The following GSTCD variants were observed in gnomAD, a reference collection of about 807,000 sequenced individuals.
The protein encoded by GSTCD is glutathione S-transferase C-terminal domain-containing protein.
Under a neutral mutation model 68.3 loss-of-function variants are expected in GSTCD, and 44 were observed. The ratio of observed to expected loss-of-function variants is 0.64; its 90% CI spans 0.51 to 0.83. The LOEUF (loss-of-function observed/expected upper bound fraction) is 0.83, where lower values mean the gene tolerates loss of function less well. GSTCD is among the 40% of genes least tolerant of loss of function. The probability of loss-of-function intolerance (pLI) is 0.00; values close to 1 mark genes in which losing one functional copy is unlikely to be tolerated. For missense variants in GSTCD, 739 were observed against 735.9 expected (o/e 1.00, Z -0.05); for synonymous variants, 273 against 255.2 (o/e 1.07, Z -0.67).
At chr4:105,802,435 A>T (rs1736140145) in intron 5 of GSTCD, among the ~76,000 whole-genome samples, 1 of 151,688 alleles carries the variant, frequency 6.6e-6, no homozygotes, top group Non-Finnish European at 1.5e-5. Context: ...CTGTTTATTC[A>T]TTTTTTTCTT....
intron 10 of GSTCD, among the ~76,000 whole-genome samples, chr4:105,840,003 G>C (rs1213881398): frequency 6.6e-6 from 1 of 152,180 alleles, no homozygotes; most frequent in Non-Finnish European, 1.5e-5. Context: ...AGAACTTTGT[G>C]CCAAAGTATC....
Position 105,807,395 on chromosome 4 carries a change from A to G in GSTCD, c.1241-15559A>G, listed in dbSNP as rs957461271. The G allele has an allele frequency of 4.6e-5, 7 of 152,068 alleles. No homozygotes were observed. The South Asian group carries it at 6.2e-4, about 14-fold the overall frequency. 9.4% of individuals were successfully genotyped at this position (152,068 alleles called of 1,614,324 possible). A position where few individuals can be genotyped will look rare whatever the true frequency, so the allele number is the denominator to read the frequency against. On this transcript the variant is annotated intron_variant, in intron 5 of 11. Transcript: ENST00000515279. ...CACTGCCTGTATTGAAATTCTCCCA[A>G]TTGTTCAATAGCGCTCTCACTCTCT... is the stretch of plus-strand genomic sequence containing the variant.
chr4:105,767,113 A>T (rs930975941), intron 5 of GSTCD, among the ~76,000 whole-genome samples: 2 of 152,072 alleles, frequency 1.3e-5, no homozygotes, highest in African/African-American at 4.8e-5. Flanking sequence ...ATGGACAGAA[A>T]AAAGAAGGTG....
chr4:105,793,419 T>TAA (rs1553963380), intron 5 of GSTCD, among the ~76,000 whole-genome samples: 5 of 150,640 alleles, frequency 3.3e-5, no homozygotes, highest in African/African-American at 1.2e-4. Context: ...TTTTTTTTTT[T>TAA]AAAAAAAATC....
rs768685450 is a variant in GSTCD, at chr4:105,726,662, A to G, written c.978A>G (p.Pro326=). The G allele has an allele frequency of 1.9e-6, 3 of 1,613,912 alleles. No individual in the cohort carries two copies. Among genetic ancestry groups the G allele is most frequent in the African/African-American group, 1.3e-5 (1 of 75,062 alleles). ...GGTACCAGAGGATTCAGGAAGTGCCAGGAGTAAAAACAGCAGCTTCTAAGT... is the reference window on the plus strand; with the variant it reads ...GGTACCAGAGGATTCAGGAAGTGCCGGGAGTAAAAACAGCAGCTTCTAAGT... ...ASWYQRIQEV[P]GVKTAASKCG... Residue 326 remains proline, a synonymous_variant, in exon 4 of 12, where the codon CCA becomes CCG. Transcript: ENST00000515279.
At chr4:105,733,654 G>C (rs1226047251) in intron 5 of GSTCD, among the ~76,000 whole-genome samples, 15 of 152,174 alleles carry the variant, frequency 9.9e-5, no homozygotes, top group Non-Finnish European at 4.4e-5. Flanking sequence ...TTGCCAGTCT[G>C]TGTCTTTTAA....
chr4:105,732,341 G>T (rs572806250), intron 5 of GSTCD, among the ~76,000 whole-genome samples: 3 of 152,160 alleles, frequency 2.0e-5, no homozygotes, highest in Non-Finnish European at 4.4e-5. Context: ...TTGGTTGGTA[G>T]GCTATTAATT....
At chr4:105,740,295 T>C (rs982831931) in intron 5 of GSTCD, among the ~76,000 whole-genome samples, 1 of 151,860 alleles carries the variant, frequency 6.6e-6, no homozygotes, top group African/African-American at 2.4e-5. Flanking sequence ...TAGGACTCAC[T>C]ACTGGAGTGA....
At chr4:105,819,055 C>T (rs1025040214) in intron 5 of GSTCD, among the ~76,000 whole-genome samples, 2 of 151,686 alleles carry the variant, frequency 1.3e-5, no homozygotes, top group African/African-American at 4.8e-5. Context: ...GAACTTGTCC[C>T]TAAGCAGCTC....
At chr4:105,721,913 G>A (rs974884296) in intron 3 of GSTCD, among the ~76,000 whole-genome samples, 37 of 152,148 alleles carry the variant, frequency 2.4e-4, no homozygotes, top group African/African-American at 6.3e-4. Context: ...AGTAGATAGC[G>A]TATCAACATT....
intron 5 of GSTCD, 142 bp from the exon 6 acceptor site, chr4:105,822,812 T>G: frequency 1.9e-6 from 1 of 533,644 alleles, no homozygotes; most frequent in Non-Finnish European, 3.3e-6. Flanking sequence ...GAATTTATCA[T>G]TTATTATTTT....
intron 5 of GSTCD, among the ~76,000 whole-genome samples, chr4:105,781,339 C>T (rs1049334703): frequency 6.6e-6 from 1 of 151,804 alleles, no homozygotes; most frequent in African/African-American, 2.4e-5. Context: ...GCCTCAAACT[C>T]CTGAGCTAAA....
intron 5 of GSTCD, among the ~76,000 whole-genome samples, chr4:105,785,219 G>T (rs559197332): frequency 1.9e-3 from 289 of 152,186 alleles, no homozygotes; most frequent in African/African-American, 6.9e-3. Context: ...TTTCAAAATT[G>T]TTGACTTATA....
chr4:105,825,530 A>T, intron 7 of GSTCD, 142 bp from the exon 8 acceptor site: 1 of 487,912 alleles, frequency 2.0e-6, no homozygotes, highest in Non-Finnish European at 3.8e-6. Flanking sequence ...GTACCAGATT[A>T]TGTGACATAC....
intron 8 of GSTCD, among the ~76,000 whole-genome samples, chr4:105,832,726 C>T (rs1723947263): frequency 6.6e-6 from 1 of 152,170 alleles, no homozygotes; most frequent in Non-Finnish European, 1.5e-5. Context: ...TTCTGAGTGC[C>T]ATCACCCAGC....
At chr4:105,827,947 ACAAATATTTATTTG>A (rs1453975128) in intron 8 of GSTCD, among the ~76,000 whole-genome samples, 4 of 152,128 alleles carry the variant, frequency 2.6e-5, no homozygotes, top group African/African-American at 9.7e-5. Context: ...AAACAATATT[ACAAATATTTATTTG>A]CAAATAGTAT....
chr4:105,708,984 A>T lies in GSTCD; in HGVS notation c.-54A>T, dbSNP rs1268557023. ...GCCCAGGTCGCCGACACGCTCACGCACCCTCCCTGCCTGGCCGCGCCTCTG... is the reference window on the plus strand; with the variant it reads ...GCCCAGGTCGCCGACACGCTCACGCTCCCTCCCTGCCTGGCCGCGCCTCTG... On this transcript the variant is annotated 5_prime_UTR_variant, in exon 1 of 12. Coordinates refer to ENST00000515279, the MANE Select transcript of GSTCD (RefSeq NM_001370181.1). 1 of 152,046 alleles carries T rather than the reference A, an allele frequency of 6.6e-6. No homozygotes were observed. Among genetic ancestry groups the T allele is most frequent in the Non-Finnish European group, 1.5e-5 (1 of 67,960 alleles). The allele number at this position is 152,046 out of a possible 1,614,324, so 9.4% of individuals were successfully genotyped here.
intron 5 of GSTCD, among the ~76,000 whole-genome samples, chr4:105,806,805 T>G (rs1178223106): frequency 6.6e-6 from 1 of 152,124 alleles, no homozygotes. Flanking sequence ...CCAACATATC[T>G]GTTTCTATGT....
intron 5 of GSTCD, among the ~76,000 whole-genome samples, chr4:105,765,407 T>C (rs1346586608): frequency 3.3e-5 from 5 of 152,192 alleles, no homozygotes; most frequent in Non-Finnish European, 5.9e-5. Flanking sequence ...TCTCAAGCAC[T>C]CAATGACTGG....
Sources: allele counts gnomAD v4.1 joint callset (sites outside exome capture counted in the v4.1 genomes callset), GRCh38; gene constraint gnomAD v4.1.1; transcripts MANE v1.5; gene names NCBI Gene and HGNC (gene_info 2026-07-23, HGNC 2026-07-21).